The following CCDC171 variants were observed in gnomAD, a reference collection of about 807,000 sequenced individuals.
CCDC171 encodes the protein coiled-coil domain containing 171.
CCDC171 carries 177 observed loss-of-function variants against 168.2 expected under a neutral mutation model. The observed-to-expected ratio is 1.05, with a 90% CI of 0.93 to 1.19. CCDC171 has a LOEUF of 1.19. Ranked by LOEUF, CCDC171 falls within the 50% of genes most tolerant of loss-of-function variation. CCDC171 has a pLI of 0.00. For missense variants in CCDC171, 1,991 were observed against 1,539.0 expected, an observed-to-expected ratio of 1.29 and a Z score of -4.91; for synonymous variants, 687 against 540.8, an observed-to-expected ratio of 1.27 and a Z score of -3.75.
At chr9:15,713,070 G>T (rs1166966537) in intron 11 of CCDC171, among the ~76,000 whole-genome samples, 1 of 152,102 alleles carries the variant, frequency 6.6e-6, no homozygotes, top group Admixed American at 6.5e-5. Context: ...TTCTTTCCAA[G>T]TACCTAACCA....
chr9:15,744,053 A>G (rs1354137784), intron 16 of CCDC171, among the ~76,000 whole-genome samples: 2 of 152,216 alleles, frequency 1.3e-5, no homozygotes, highest in African/African-American at 4.8e-5. Context: ...TAAAGCTTCT[A>G]TGTGAGAGGA....
At chr9:15,728,691 G>A (rs1257770954) in intron 15 of CCDC171, among the ~76,000 whole-genome samples, 1 of 151,968 alleles carries the variant, frequency 6.6e-6, no homozygotes, top group Non-Finnish European at 1.5e-5. Flanking sequence ...AATTACAGTG[G>A]CTTAGCAGAT....
At chr9:15,907,434 C>T (rs543436558) in intron 24 of CCDC171, among the ~76,000 whole-genome samples, 93 of 152,282 alleles carry the variant, frequency 6.1e-4, no homozygotes, top group African/African-American at 2.2e-3. Flanking sequence ...ATAAATGGTG[C>T]TTGGAAAACT....
chr9:15,634,990 C>G (rs534654008), intron 7 of CCDC171, among the ~76,000 whole-genome samples: 1 of 152,216 alleles, frequency 6.6e-6, no homozygotes, highest in East Asian at 1.9e-4. Flanking sequence ...CTTTTTTATG[C>G]CTGAATGATA....
upstream of CCDC171, among the ~76,000 whole-genome samples, chr9:16,040,179 A>G (rs745666828): frequency 1.3e-5 from 2 of 152,156 alleles, no homozygotes; most frequent in South Asian, 2.1e-4. Flanking sequence ...AGCCAGACGC[A>G]TACTCCACCA....
chr9:15,835,458 G>A (rs552532400), intron 21 of CCDC171, among the ~76,000 whole-genome samples: 24 of 152,132 alleles, frequency 1.6e-4, no homozygotes, highest in African/African-American at 4.3e-4. Flanking sequence ...TTGGAGTTTC[G>A]CTTTTGTTGC....
intron 3 of CCDC171, among the ~76,000 whole-genome samples, chr9:16,019,721 C>G (rs1833111711): frequency 6.6e-6 from 1 of 152,146 alleles, no homozygotes; most frequent in Non-Finnish European, 1.5e-5. Context: ...CATGAAACAT[C>G]AAAATATTCT....
chr9:15,995,336 G>A (rs1482169177), intron 3 of CCDC171, among the ~76,000 whole-genome samples: 1 of 152,210 alleles, frequency 6.6e-6, no homozygotes, highest in Non-Finnish European at 1.5e-5. Flanking sequence ...GGGAGTGCCA[G>A]CTACTGGTAC....
chr9:15,783,808 G>C (rs899146515), intron 20 of CCDC171, among the ~76,000 whole-genome samples: 2 of 152,178 alleles, frequency 1.3e-5, no homozygotes, highest in African/African-American at 4.8e-5. Flanking sequence ...TTATGGTGTA[G>C]ATTTTGTTGG....
intron 8 of CCDC171, among the ~76,000 whole-genome samples, chr9:15,659,109 A>C (rs2048136180): frequency 6.6e-6 from 1 of 152,186 alleles, no homozygotes; most frequent in Non-Finnish European, 1.5e-5. Flanking sequence ...GGAGCAGTTT[A>C]AGAGGTTCAT....
intron 21 of CCDC171, among the ~76,000 whole-genome samples, chr9:15,803,564 A>T (rs1423322627): frequency 6.6e-6 from 1 of 151,980 alleles, no homozygotes; most frequent in Non-Finnish European, 1.5e-5. Flanking sequence ...CAAAGATCAG[A>T]TGGTTGTAGA....
intron 9 of CCDC171, among the ~76,000 whole-genome samples, chr9:15,677,920 ATAT>A (rs1448094464): frequency 1.1e-4 from 4 of 36,406 alleles, no homozygotes; most frequent in African/African-American, 5.1e-4. Flanking sequence ...ATATATATAT[ATAT>A]ATAAGAGATG....
chr9:15,602,632 C>CTTTTTTTTTTT lies in CCDC171; in HGVS notation c.675+8464_675+8474dup, dbSNP rs1050799184. ...CATTTTAAGATAGTGTTTCTCATTT[C>CTTTTTTTTTTT]TTTTTTTTTTTTTTCTTTTTTTTTT... On this transcript the variant is annotated intron_variant, in intron 6 of 25. Transcript: ENST00000380701. Among the ~76,000 whole-genome samples the CTTTTTTTTTTT allele has an allele frequency of 4.5e-4, 14 of 31,028 alleles. 2 individuals carry two copies. Among genetic ancestry groups the CTTTTTTTTTTT allele is most frequent in the African/African-American group, 1.1e-3 (11 of 10,400 alleles). The allele number at this position is 31,028 out of a possible 152,430, so 20.4% of individuals were successfully genotyped here.
chr9:15,609,863 C>T (rs1041312873), intron 6 of CCDC171, among the ~76,000 whole-genome samples: 4 of 152,182 alleles, frequency 2.6e-5, no homozygotes, highest in Admixed American at 6.5e-5. Flanking sequence ...TTATTGTATT[C>T]CATCAAGAGA....
At chr9:15,950,939 C>A (rs1235584538) in intron 25 of CCDC171, among the ~76,000 whole-genome samples, 1 of 151,312 alleles carries the variant, frequency 6.6e-6, no homozygotes, top group East Asian at 2.0e-4. Flanking sequence ...ATCTACCAAG[C>A]AAATGGAAAA....
intron 1 of CCDC171, among the ~76,000 whole-genome samples, chr9:16,059,603 T>C (rs1264689249): frequency 2.3e-4 from 33 of 141,798 alleles, no homozygotes; most frequent in South Asian, 1.9e-3. Context: ...CAAGCTCCGC[T>C]TCCCAGGTTC....
chr9:15,652,199 A>T (rs1427352587), intron 7 of CCDC171, among the ~76,000 whole-genome samples: 1 of 152,118 alleles, frequency 6.6e-6, no homozygotes, highest in Admixed American at 6.6e-5. Flanking sequence ...ATCCATTTAG[A>T]ATTTATTTTT....
chr9:15,838,485 T>C (rs1190447522), intron 21 of CCDC171, among the ~76,000 whole-genome samples: 1 of 152,214 alleles, frequency 6.6e-6, no homozygotes, highest in Non-Finnish European at 1.5e-5. Flanking sequence ...CCCATGGCCT[T>C]CTATTACAAT....
intron 2 of CCDC171, among the ~76,000 whole-genome samples, chr9:15,568,089 T>G (rs1477992743): frequency 6.6e-6 from 1 of 152,128 alleles, no homozygotes; most frequent in Non-Finnish European, 1.5e-5. Context: ...TCTTGTATTC[T>G]GTGACCTTGC....
Sources: gnomAD v4.1 joint callset for allele counts (sites outside exome capture counted in the v4.1 genomes callset) on GRCh38, gnomAD v4.1.1 for gene constraint, MANE v1.5 for transcripts, NCBI Gene and HGNC (gene_info 2026-07-23, HGNC 2026-07-21) for gene names.